IL1RAPL1: variants seen among roughly 807,000 people sequenced by gnomAD.
IL1RAPL1 encodes the protein interleukin-1 receptor accessory protein-like 1.
IL1RAPL1 carries 3 observed loss-of-function variants against 48.4 expected under a neutral mutation model. The ratio of observed to expected loss-of-function variants is 0.06; its 90% confidence interval spans 0.03 to 0.16. The LOEUF is 0.16. Among genes scored for constraint, IL1RAPL1 ranks in the 10% least tolerant of loss-of-function variants. The probability of loss-of-function intolerance (pLI) is 1.00; values close to 1 mark genes in which losing one functional copy is unlikely to be tolerated. For missense variants in IL1RAPL1, 349 were observed against 530.6 expected (o/e 0.66, Z 3.36); for synonymous variants, 185 against 187.7 (o/e 0.99, Z 0.12).
In IL1RAPL1 at chrX:28,625,737, C is replaced by CGTGTGTGTGTGTGTGT. The variant is rs112613600; in HGVS notation, c.-25+37707_-25+37722dup. On this transcript the variant is annotated intron_variant, in intron 1 of 10. Coordinates refer to ENST00000378993, the MANE Select transcript of IL1RAPL1 (RefSeq NM_014271.4). The stretch of plus-strand genomic sequence containing the variant: ...GAACCCAAAGGAGCTAATCAAAATG[C>CGTGTGTGTGTGTGTGT]GTGTGTGTGTGTGTGTGTGTGTGTG... Among the ~76,000 whole-genome samples, 930 of 99,286 alleles carry CGTGTGTGTGTGTGTGT rather than the reference C, an allele frequency of 9.4e-3. 7 individuals carry two copies. The highest frequency in any genetic ancestry group is 0.014 in the African/African-American group (393 of 27,107). 86.2% of individuals were successfully genotyped at this position (99,286 alleles called of 115,157 possible).
At chrX:29,051,861 T>C (rs887694195) in intron 2 of IL1RAPL1, among the ~76,000 whole-genome samples, 2 of 112,356 alleles carry the variant, frequency 1.8e-5, no homozygotes, top group African/African-American at 3.2e-5. Flanking sequence ...ATACATGTAG[T>C]TGTGATTAAT....
intron 2 of IL1RAPL1, among the ~76,000 whole-genome samples, chrX:29,162,373 T>TAATA (rs200951818): frequency 1.2e-3 from 130 of 110,336 alleles, no homozygotes; most frequent in Admixed American, 2.1e-3. Context: ...TCAAGTAAAA[T>TAATA]AATAAATAAA....
chrX:29,626,413 CATTTTTACAAGGTGACCAT>C (rs975992748), intron 5 of IL1RAPL1, among the ~76,000 whole-genome samples: 2 of 111,773 alleles, frequency 1.8e-5, no homozygotes, highest in African/African-American at 6.5e-5. Flanking sequence ...GAAGCAACCA[CATTTTTACAAGGTGACCAT>C]ATCTCACCCA....
chrX:29,504,160 T>C (rs952866587), intron 5 of IL1RAPL1, among the ~76,000 whole-genome samples: 7 of 110,677 alleles, frequency 6.3e-5, no homozygotes, highest in Non-Finnish European at 1.3e-4. Flanking sequence ...CTTCTTGTTA[T>C]TGATTTCTAG....
intron 3 of IL1RAPL1, among the ~76,000 whole-genome samples, chrX:29,335,495 TTATC>T (rs751004527): frequency 2.5e-4 from 27 of 109,910 alleles, no homozygotes; most frequent in Non-Finnish European, 3.0e-4. Flanking sequence ...AAACAACTCT[TTATC>T]TATCAGGTAC....
intron 1 of IL1RAPL1, among the ~76,000 whole-genome samples, chrX:28,608,626 A>G (rs1477125184): frequency 2.7e-5 from 3 of 112,016 alleles, no homozygotes; most frequent in Non-Finnish European, 3.8e-5. Flanking sequence ...AGATTTGGGT[A>G]GCTGCAACAT....
chrX:29,824,852 T>C (rs986389433), intron 6 of IL1RAPL1, among the ~76,000 whole-genome samples: 2 of 108,961 alleles, frequency 1.8e-5, no homozygotes, highest in Non-Finnish European at 3.8e-5. Flanking sequence ...AGTTGGGGGC[T>C]GGAGGGAGAA....
intron 3 of IL1RAPL1, among the ~76,000 whole-genome samples, chrX:29,327,581 A>G (rs1420673213): frequency 9.9e-6 from 1 of 101,264 alleles, no homozygotes; most frequent in Non-Finnish European, 2.0e-5. Flanking sequence ...TAGTGACCAT[A>G]CTAGATACTT....
At chrX:28,978,748 C>A (rs1347816311) in intron 2 of IL1RAPL1, among the ~76,000 whole-genome samples, 3 of 111,410 alleles carry the variant, frequency 2.7e-5, no homozygotes, top group Non-Finnish European at 5.7e-5. Flanking sequence ...TTGGTGGTAA[C>A]CGGGGTTTAA....
intron 2 of IL1RAPL1, among the ~76,000 whole-genome samples, chrX:28,873,312 C>G (rs1196110290): frequency 9.4e-6 from 1 of 106,319 alleles, no homozygotes; most frequent in Non-Finnish European, 1.9e-5. Context: ...GGTTTCACCA[C>G]GTTGGCCAGA....
At chrX:28,629,522 A>G (rs1168601087) in intron 1 of IL1RAPL1, among the ~76,000 whole-genome samples, 1 of 112,084 alleles carries the variant, frequency 8.9e-6, no homozygotes, top group Non-Finnish European at 1.9e-5. Context: ...ACCAAAATAT[A>G]ATACACACTT....
intron 5 of IL1RAPL1, among the ~76,000 whole-genome samples, chrX:29,611,861 T>G (rs1189017944): frequency 9.0e-6 from 1 of 111,026 alleles, no homozygotes; most frequent in Non-Finnish European, 1.9e-5. Context: ...GATCATCCCC[T>G]GGAGTTCAGC....
intron 6 of IL1RAPL1, among the ~76,000 whole-genome samples, chrX:29,803,084 T>C (rs1477942714): frequency 1.0e-4 from 9 of 89,366 alleles, no homozygotes; most frequent in African/African-American, 2.9e-4. Context: ...TACATATATG[T>C]GTATATGTAT....
In IL1RAPL1 at chrX:29,240,193, CACATATATATATATATATATAT is replaced by C. The variant is rs1307223261; in HGVS notation, c.83-42743_83-42722del. ...ATAGTAGTATATAGGTACACACACA[CACATATATATATATATATATAT>C]ATATATATATTTTTTTTTTTTTTTT... is the stretch of plus-strand genomic sequence containing the variant. On this transcript the variant is annotated intron_variant, in intron 2 of 10. Coordinates refer to ENST00000378993, the MANE Select transcript of IL1RAPL1 (RefSeq NM_014271.4). 1.3e-3 allele frequency among the ~76,000 whole-genome samples: 46 copies of C among 36,615 alleles called. 2 individuals carry two copies. Among genetic ancestry groups the C allele is most frequent in the African/African-American group, 6.3e-3 (46 of 7,345 alleles). The allele number at this position is 36,615 out of a possible 115,157, so 31.8% of individuals were successfully genotyped here. A position where few individuals can be genotyped will look rare whatever the true frequency, so the allele number is the denominator to read the frequency against.
At chrX:28,815,882 T>TATATATATAA (rs1555926465) in intron 2 of IL1RAPL1, among the ~76,000 whole-genome samples, 13 of 75,524 alleles carry the variant, frequency 1.7e-4, no homozygotes, top group African/African-American at 5.8e-4. Flanking sequence ...TATATATATA[T>TATATATATAA]ATAATTTTTT....
intron 2 of IL1RAPL1, among the ~76,000 whole-genome samples, chrX:29,177,911 A>G (rs1335216122): frequency 1.8e-5 from 2 of 112,007 alleles, no homozygotes; most frequent in Non-Finnish European, 3.8e-5. Flanking sequence ...TGTCCCTGCA[A>G]AGGACATGAA....
At chrX:28,763,922 A>ATG (rs1936205301) in intron 1 of IL1RAPL1, among the ~76,000 whole-genome samples, 1 of 110,807 alleles carries the variant, frequency 9.0e-6, no homozygotes, top group Non-Finnish European at 1.9e-5. Flanking sequence ...TTTTGTGTGT[A>ATG]TGTGTGTGTG....
At chrX:29,699,253 T>C (rs1926992313) in intron 6 of IL1RAPL1, among the ~76,000 whole-genome samples, 1 of 112,275 alleles carries the variant, frequency 8.9e-6, no homozygotes, top group Non-Finnish European at 1.9e-5. Flanking sequence ...TCTGAACTGG[T>C]TTAGTAGTTT....
intron 5 of IL1RAPL1, among the ~76,000 whole-genome samples, chrX:29,509,927 T>C (rs1286057607): frequency 2.7e-5 from 3 of 112,028 alleles, no homozygotes; most frequent in Non-Finnish European, 5.6e-5. Context: ...AAATAAAATG[T>C]CAAGAGTAAA....
Sources: allele counts gnomAD v4.1 joint callset (sites outside exome capture counted in the v4.1 genomes callset), GRCh38; gene constraint gnomAD v4.1.1; transcripts MANE v1.5; gene names NCBI Gene and HGNC (gene_info 2026-07-23, HGNC 2026-07-21).